GPA33: variants seen among roughly 807,000 people sequenced by gnomAD.
GPA33 encodes the protein cell surface A33 antigen.
Under a neutral mutation model 35.6 loss-of-function variants are expected in GPA33, and 27 were observed. That is an observed-to-expected ratio of 0.76 (90% CI 0.56 to 1.04). The LOEUF is 1.04. GPA33 is among the 50% of genes least tolerant of loss of function. GPA33 has a pLI of 0.00. For synonymous variants in GPA33, 176 were observed against 164.0 expected, an observed-to-expected ratio of 1.07 and a Z score of -0.56; for missense variants, 428 against 411.9, an observed-to-expected ratio of 1.04 and a Z score of -0.34.
chr1:167,069,281 A>G lies in GPA33; in HGVS notation c.199-143T>C, dbSNP rs554495860. 175 of 587,676 alleles carry G rather than the reference A, an allele frequency of 3.0e-4. 1 individual carries two copies. Among genetic ancestry groups the G allele is most frequent in the African/African-American group, 3.0e-3 (160 of 53,742 alleles). The allele number at this position is 587,676 out of a possible 1,614,324, so 36.4% of individuals were successfully genotyped here. On this transcript the variant is annotated intron_variant, in intron 2 of 6. Transcript: ENST00000367868. Reference sequence around the variant, plus strand: ...ACCCCTCAGAACAAATAGCTCGCATATGTGCTACCCATTTGTGGATTTCTT... The same window carrying G: ...ACCCCTCAGAACAAATAGCTCGCATGTGTGCTACCCATTTGTGGATTTCTT...
chr1:167,055,007 C>T lies in GPA33; in HGVS notation c.796G>A (p.Asp266Asn), dbSNP rs148037017. The T allele has an allele frequency of 1.9e-5, 31 of 1,613,832 alleles. No individual in the cohort carries two copies. Among genetic ancestry groups the T allele is most frequent in the African/African-American group, 1.9e-4 (14 of 74,930 alleles). ...IYCCCCRGKD[D>N]NTEDKEDARP... Reference sequence around the variant, plus strand: ...GCATCCTCCTTGTCTTCAGTGTTGTCGTCCTTCCCTCGGCAGCAGCAGCAG... The same window carrying T: ...GCATCCTCCTTGTCTTCAGTGTTGTTGTCCTTCCCTCGGCAGCAGCAGCAG... The change falls in exon 6 of 7, where the codon GAC (aspartate) becomes AAC (asparagine). Residue 266 changes from aspartate (D) to asparagine (N), a missense_variant. Physicochemically the swap from Asp to Asn is conservative, Grantham distance 23. Coordinates refer to ENST00000367868, the MANE Select transcript of GPA33 (RefSeq NM_005814.3).
chr1:167,054,220 A>G lies in GPA33; in HGVS notation c.*114T>C. The G allele has an allele frequency of 2.2e-6, 3 of 1,346,304 alleles. No individual in the cohort carries two copies. Among genetic ancestry groups the G allele is most frequent in the South Asian group, 2.6e-5 (2 of 77,244 alleles). 83.4% of individuals were successfully genotyped at this position (1,346,304 alleles called of 1,614,324 possible). A position where few individuals can be genotyped will look rare whatever the true frequency, so the allele number is the denominator to read the frequency against. ...CTGACACTGGGGAAGAAATGTCCCC[A>G]TCAATGTCTGGGATGGAGGGACAGG... On this transcript the variant is annotated 3_prime_UTR_variant, in exon 7 of 7. Coordinates refer to ENST00000367868, the MANE Select transcript of GPA33 (RefSeq NM_005814.3).
chr1:167,061,428 C>T (rs1406595176), intron 4 of GPA33, among the ~76,000 whole-genome samples: 1 of 152,136 alleles, frequency 6.6e-6, no homozygotes, highest in Non-Finnish European at 1.5e-5. Context: ...GAGGAGGCCA[C>T]AGAGCCCCCG....
chr1:167,063,875 G>T, intron 3 of GPA33, 138 bp from the exon 4 acceptor site: 1 of 618,864 alleles, frequency 1.6e-6, no homozygotes, highest in Non-Finnish European at 2.8e-6. Context: ...GTTGAGTAGT[G>T]AGATGGAATG....
chr1:167,073,414 G>A lies in GPA33; in HGVS notation c.169C>T (p.Gln57Ter). ...TGAGTGAGGAGGAGCTTATCCCATTGAATAAGTCCCTCTCGACTGGAGGTG... is the reference window on the plus strand; with the variant it reads ...TGAGTGAGGAGGAGCTTATCCCATTAAATAAGTCCCTCTCGACTGGAGGTG... ...TSTSSREGLI[Q>*]WDKLLLTHTE... Residue 57 changes from glutamine (Q) to a stop codon, truncating the protein, a stop_gained, in exon 2 of 7, where the codon CAA becomes TAA. Transcript: ENST00000367868. LOFTEE classifies it high-confidence loss of function. 6.2e-7 allele frequency: 1 copy of A among 1,613,996 alleles called. No homozygotes were observed. Among genetic ancestry groups the A allele is most frequent in the Non-Finnish European group, 8.5e-7 (1 of 1,179,876 alleles).
intron 4 of GPA33, among the ~76,000 whole-genome samples, chr1:167,060,453 G>A (rs1666413627): frequency 6.6e-6 from 1 of 152,148 alleles, no homozygotes; most frequent in African/African-American, 2.4e-5. Context: ...ACCCCGCAAT[G>A]TCTCCAGATG....
intron 1 of GPA33, among the ~76,000 whole-genome samples, chr1:167,074,463 G>A (rs573427355): frequency 6.6e-6 from 1 of 152,306 alleles, no homozygotes; most frequent in South Asian, 2.1e-4. Context: ...AGCAAACCCA[G>A]CCACCTAGCT....
chr1:167,062,012 C>T (rs1666462728), intron 4 of GPA33, among the ~76,000 whole-genome samples: 1 of 152,038 alleles, frequency 6.6e-6, no homozygotes, highest in African/African-American at 2.4e-5. Flanking sequence ...TCATCCCCAC[C>T]CCCGGGGCAC....
At chr1:167,066,949 T>A (rs534799313) in intron 3 of GPA33, among the ~76,000 whole-genome samples, 2 of 152,368 alleles carry the variant, frequency 1.3e-5, no homozygotes, top group East Asian at 3.9e-4. Context: ...CTCGGTTTAC[T>A]GAGGTCATCC....
intron 1 of GPA33, among the ~76,000 whole-genome samples, chr1:167,076,931 C>T (rs905511756): frequency 6.6e-6 from 1 of 152,106 alleles, no homozygotes; most frequent in African/African-American, 2.4e-5. Context: ...GCTGGCAGGG[C>T]GCAGTGGCTC....
chr1:167,056,401 T>C (rs1666251502), intron 4 of GPA33, among the ~76,000 whole-genome samples: 1 of 151,862 alleles, frequency 6.6e-6, no homozygotes, highest in African/African-American at 2.4e-5. Context: ...ATTTCTGCCA[T>C]GAGAGAGGTG....
chr1:167,060,720 C>A (rs893142520), intron 4 of GPA33, among the ~76,000 whole-genome samples: 1 of 152,208 alleles, frequency 6.6e-6, no homozygotes, highest in Non-Finnish European at 1.5e-5. Context: ...TGCAGCTGGG[C>A]TGCCCCTTTG....
At chr1:167,068,196 T>G (rs1666640239) in intron 3 of GPA33, among the ~76,000 whole-genome samples, 1 of 152,200 alleles carries the variant, frequency 6.6e-6, no homozygotes, top group Admixed American at 6.5e-5. Context: ...TTTAAAGCAT[T>G]GCTACCTCCC....
chr1:167,057,949 A>T (rs953475458), intron 4 of GPA33, among the ~76,000 whole-genome samples: 9 of 152,246 alleles, frequency 5.9e-5, no homozygotes, highest in African/African-American at 2.2e-4. Flanking sequence ...CTGTAATCCC[A>T]GCACCTTGGG....
chr1:167,078,757 C>T (rs1666870768), intron 1 of GPA33: 1 of 152,206 alleles, frequency 6.6e-6, no homozygotes, highest in Admixed American at 6.5e-5. Flanking sequence ...TAGAATGCCC[C>T]TGTTGGAACT....
rs551273699 is a variant in GPA33, at chr1:167,055,712, C to G, written c.691+18G>C. 76 of 1,613,298 alleles carry G rather than the reference C, an allele frequency of 4.7e-5. No individual in the cohort carries two copies. The East Asian group carries it at 1.1e-3, about 24-fold the overall frequency. ...TCCTGTGGCGTTTGTCAGCCCTCCC[C>G]CCGCAGGCTGCTCTTACGAGATCTG... is the stretch of plus-strand genomic sequence containing the variant. On this transcript the variant is annotated intron_variant, in intron 5 of 6. Coordinates refer to ENST00000367868, the MANE Select transcript of GPA33 (RefSeq NM_005814.3).
intron 1 of GPA33, among the ~76,000 whole-genome samples, chr1:167,076,780 C>T (rs941193038): frequency 6.3e-4 from 96 of 152,290 alleles, no homozygotes; most frequent in African/African-American, 2.3e-3. Flanking sequence ...GTGCCAGAAG[C>T]CCCTGAAAAT....
At chr1:167,061,990 T>TC (rs545206665) in intron 4 of GPA33, among the ~76,000 whole-genome samples, 33 of 151,900 alleles carry the variant, frequency 2.2e-4, no homozygotes, top group Admixed American at 2.2e-3. Context: ...CAGATATTCT[T>TC]CCCCCGGGTC....
intron 2 of GPA33, 99 bp downstream of exon 2, chr1:167,073,286 C>G (rs1666756480): frequency 1.9e-6 from 2 of 1,044,702 alleles, no homozygotes; most frequent in Non-Finnish European, 2.9e-6. Context: ...AGTGTTTATT[C>G]TACCATTTAT....
Sources: allele counts gnomAD v4.1 joint callset (sites outside exome capture counted in the v4.1 genomes callset), GRCh38; gene constraint gnomAD v4.1.1; transcripts MANE v1.5; gene names NCBI Gene and HGNC (gene_info 2026-07-23, HGNC 2026-07-21).